The following SLC39A11 variants were observed in gnomAD, a reference collection of about 807,000 sequenced individuals.
SLC39A11 encodes the protein solute carrier family 39 member 11, also known as zinc transporter ZIP11.
In SLC39A11, 33 loss-of-function variants were observed where a neutral mutation model predicts 36.1. That is an observed-to-expected ratio of 0.91 (90% CI 0.69 to 1.22). The LOEUF (loss-of-function observed/expected upper bound fraction) is 1.22, where lower values mean the gene tolerates loss of function less well. SLC39A11 is among the 50% of genes most tolerant of loss of function. The probability of loss-of-function intolerance (pLI) is 0.00; values close to 1 mark genes in which losing one functional copy is unlikely to be tolerated. For synonymous variants in SLC39A11, 166 were observed against 170.3 expected, an observed-to-expected ratio of 0.97 and a Z score of 0.20; for missense variants, 432 against 430.3, an observed-to-expected ratio of 1.00 and a Z score of -0.03.
At position 72,699,255 on chromosome 17, in the gene SLC39A11, A is replaced by C. The variant is rs1423689500; in HGVS notation, c.671+37395T>G. ...GCCACACATAAAATACACTAACACT[A>C]AGGCAGCTGATGAGCTAAAATAAAA... On this transcript the variant is annotated intron_variant, in intron 7 of 9. Transcript: ENST00000255559. Among the ~76,000 whole-genome samples the C allele has an allele frequency of 2.6e-5, 4 of 152,318 alleles. No homozygotes were observed. In the East Asian group the frequency reaches 7.7e-4, roughly 29 times the overall value.
intron 3 of SLC39A11, among the ~76,000 whole-genome samples, chr17:73,077,619 C>T (rs2060367439): frequency 6.6e-6 from 1 of 152,182 alleles, no homozygotes; most frequent in Admixed American, 6.5e-5. Context: ...TGAGATATCG[C>T]ATCTGGCTCA....
At chr17:72,668,430 T>C (rs915812187) in intron 7 of SLC39A11, among the ~76,000 whole-genome samples, 1 of 152,202 alleles carries the variant, frequency 6.6e-6, no homozygotes, top group African/African-American at 2.4e-5. Flanking sequence ...AATGTAATAC[T>C]TTTATCTCTG....
At chr17:72,912,420 CTTAGG>C (rs1555628254) in intron 5 of SLC39A11, among the ~76,000 whole-genome samples, 1 of 151,638 alleles carries the variant, frequency 6.6e-6, no homozygotes, top group South Asian at 2.1e-4. Flanking sequence ...TATTTACATT[CTTAGG>C]ACAATATCTT....
At chr17:73,002,609 T>C (rs2148406295) in intron 4 of SLC39A11, among the ~76,000 whole-genome samples, 1 of 152,196 alleles carries the variant, frequency 6.6e-6, no homozygotes, top group Non-Finnish European at 1.5e-5. Context: ...CAATGCCAGC[T>C]CCCCTGCAAG....
chr17:72,951,642 C>T lies in SLC39A11; in HGVS notation c.307-3767G>A, dbSNP rs576518652. Among the ~76,000 whole-genome samples, 24 of 152,170 alleles carry T rather than the reference C, an allele frequency of 1.6e-4. No homozygotes were observed. The South Asian group carries it at 4.6e-3, about 29-fold the overall frequency. ...GTGATAATGCCAAAAGAAAAATAAG[C>T]CATATCTGTAATTCACAGCCATCCA... On this transcript the variant is annotated intron_variant, in intron 4 of 9. Transcript: ENST00000255559.
rs1213569930 is a variant in SLC39A11 at position 72,759,120 on chromosome 17, T to TA, written c.602-22402dup. ...CATCTAAAAATAATAACAATAATAA[T>TA]AATAATAATAAATAATCTTGGAAAA... On this transcript the variant is annotated intron_variant, in intron 6 of 9. Transcript: ENST00000255559. Among the ~76,000 whole-genome samples the TA allele has an allele frequency of 2.0e-5, 3 of 151,338 alleles. No individual in the cohort carries two copies. In the East Asian group the frequency reaches 5.8e-4, roughly 29 times the overall value.
intron 6 of SLC39A11, among the ~76,000 whole-genome samples, chr17:72,771,874 A>C (rs2075959199): frequency 6.6e-6 from 1 of 152,152 alleles, no homozygotes; most frequent in Admixed American, 6.5e-5. Context: ...GGTGTTAAAG[A>C]CTTGGGGTGG....
intron 4 of SLC39A11, among the ~76,000 whole-genome samples, chr17:72,979,993 C>A (rs2088180147): frequency 6.6e-6 from 1 of 152,134 alleles, no homozygotes; most frequent in East Asian, 1.9e-4. Context: ...GATTCCTACA[C>A]CAGCTCTCCA....
chr17:72,809,073 C>T (rs2077352433), intron 6 of SLC39A11, among the ~76,000 whole-genome samples: 1 of 152,194 alleles, frequency 6.6e-6, no homozygotes. Flanking sequence ...TGGGTGGTTA[C>T]AGTTTGGAGA....
chr17:72,834,790 A>C (rs1283634328), intron 6 of SLC39A11, among the ~76,000 whole-genome samples: 3 of 152,208 alleles, frequency 2.0e-5, no homozygotes, highest in Non-Finnish European at 4.4e-5. Context: ...TTTCTCTTTA[A>C]TTTACATAAT....
intron 4 of SLC39A11, among the ~76,000 whole-genome samples, chr17:73,007,775 A>G (rs556086376): frequency 5.6e-4 from 86 of 152,316 alleles, no homozygotes; most frequent in Admixed American, 1.5e-3. Flanking sequence ...GAAGATAGCA[A>G]AGGATTTTGG....
chr17:72,893,913 T>C (rs1019230130), intron 5 of SLC39A11, among the ~76,000 whole-genome samples: 12 of 152,194 alleles, frequency 7.9e-5, no homozygotes, highest in Non-Finnish European at 1.6e-4. Context: ...TTCCTCGATG[T>C]CTGCTATATA....
chr17:73,015,410 C>T (rs2090751796), intron 4 of SLC39A11, among the ~76,000 whole-genome samples: 1 of 152,132 alleles, frequency 6.6e-6, no homozygotes, highest in Non-Finnish European at 1.5e-5. Flanking sequence ...ATGCAAAAAT[C>T]CCAAACTTCT....
At chr17:72,871,992 C>T (rs1384150772) in intron 5 of SLC39A11, among the ~76,000 whole-genome samples, 1 of 152,124 alleles carries the variant, frequency 6.6e-6, no homozygotes, top group Non-Finnish European at 1.5e-5. Context: ...AGCTGGTGTC[C>T]TTACAAAACT....
chr17:72,783,019 A>AG (rs2076380224), intron 6 of SLC39A11, among the ~76,000 whole-genome samples: 2 of 145,974 alleles, frequency 1.4e-5, no homozygotes, highest in African/African-American at 5.5e-5. Flanking sequence ...AAAAAAAAAA[A>AG]AAAGAAAAAA....
At chr17:72,875,715 T>C (rs1035403365) in intron 5 of SLC39A11, among the ~76,000 whole-genome samples, 3 of 152,202 alleles carry the variant, frequency 2.0e-5, no homozygotes, top group African/African-American at 7.2e-5. Flanking sequence ...TCTAATCTAT[T>C]TCTTTCTTTT....
chr17:72,766,355 C>T (rs1276427718), intron 6 of SLC39A11, among the ~76,000 whole-genome samples: 1 of 152,206 alleles, frequency 6.6e-6, no homozygotes, highest in African/African-American at 2.4e-5. Flanking sequence ...ATTGCTGGGT[C>T]AACAGGACCT....
chr17:72,697,376 C>T (rs2072355267), intron 7 of SLC39A11, among the ~76,000 whole-genome samples: 2 of 152,320 alleles, frequency 1.3e-5, no homozygotes, highest in African/African-American at 2.4e-5. Context: ...AGCCACCAAG[C>T]CCCTGGCACA....
At chr17:72,904,821 AC>A (rs893404419) in intron 5 of SLC39A11, among the ~76,000 whole-genome samples, 1 of 152,124 alleles carries the variant, frequency 6.6e-6, no homozygotes, top group African/African-American at 2.4e-5. Context: ...GCATTACAGA[AC>A]CTTTCCCCCT....
Sources: allele counts gnomAD v4.1 joint callset (sites outside exome capture counted in the v4.1 genomes callset), GRCh38; gene constraint gnomAD v4.1.1; transcripts MANE v1.5; gene names NCBI Gene and HGNC (gene_info 2026-07-23, HGNC 2026-07-21).